The following IGSF10 variants were observed in gnomAD, a reference collection of about 807,000 sequenced individuals.
IGSF10 encodes immunoglobulin superfamily member 10.
IGSF10 carries 126 observed loss-of-function variants against 128.2 expected under a neutral mutation model. That is an observed-to-expected ratio of 0.98 (90% CI 0.85 to 1.14). The LOEUF is 1.14. Among genes scored for constraint, IGSF10 ranks in the 50% most tolerant of loss-of-function variants. The pLI is 0.00. For synonymous variants in IGSF10, 1,185 were observed against 1,146.2 expected, an observed-to-expected ratio of 1.03 and a Z score of -0.68; for missense variants, 3,295 against 3,149.8, an observed-to-expected ratio of 1.05 and a Z score of -1.10.
Position 151,443,325 on chromosome 3 carries a change from A to C in IGSF10, c.5622T>G (p.Val1874=). The stretch of plus-strand genomic sequence containing the variant: ...CAGTGCCATCAGAGAGGACCCAGTA[A>C]ACGCTGGGCTGAGGAGTTCCTTTTG... ...CTAKGTPQPS[V]YWVLSDGTEV... Residue 1874 remains valine (V), a synonymous_variant, in exon 7 of 8, where the codon GTT becomes GTG. Transcript: ENST00000282466. 6.2e-7 allele frequency: 1 copy of C among 1,614,214 alleles called. No homozygotes were observed. Among genetic ancestry groups the C allele is most frequent in the Non-Finnish European group, 8.5e-7 (1 of 1,180,018 alleles).
intron 4 of IGSF10, among the ~76,000 whole-genome samples, chr3:151,456,379 G>T (rs991531974): frequency 8.5e-5 from 13 of 152,150 alleles, no homozygotes; most frequent in African/African-American, 3.1e-4. Context: ...ATCATACATG[G>T]CTGTGCTTTT....
chr3:151,618,768 TTAAAAAA>T, the IGSF10 span, among the ~76,000 whole-genome samples: 2 of 147,886 alleles, frequency 1.4e-5, no homozygotes, highest in African/African-American at 4.9e-5. Context: ...AAATAAAAAA[TTAAAAAA>T]TTAAAAATAA....
At chr3:151,526,708 C>A in the IGSF10 span, among the ~76,000 whole-genome samples, 1 of 151,358 alleles carries the variant, frequency 6.6e-6, no homozygotes, top group Non-Finnish European at 1.5e-5. Context: ...TTTTCTTTTT[C>A]TGATGCATTT....
the IGSF10 span, among the ~76,000 whole-genome samples, chr3:151,516,497 A>C: frequency 1.3e-5 from 2 of 152,068 alleles, no homozygotes; most frequent in African/African-American, 2.4e-5. Context: ...TGACAGATGG[A>C]AGATGAAGGC....
the IGSF10 span, among the ~76,000 whole-genome samples, chr3:151,544,081 G>T: frequency 1.3e-5 from 2 of 152,026 alleles, no homozygotes; most frequent in Non-Finnish European, 1.5e-5. Context: ...GGCTAATTTT[G>T]TATTTTTAGT....
chr3:151,462,927 AGTT>A, upstream of IGSF10, among the ~76,000 whole-genome samples: 1 of 152,320 alleles, frequency 6.6e-6, no homozygotes, highest in African/African-American at 2.4e-5. Context: ...TGGCAGCCAC[AGTT>A]TATCTTTCTC....
chr3:151,523,975 C>T, the IGSF10 span, among the ~76,000 whole-genome samples: 2 of 151,914 alleles, frequency 1.3e-5, no homozygotes, highest in Non-Finnish European at 2.9e-5. Flanking sequence ...AAAACAAAAC[C>T]CCATTAAAAC....
rs1720862854 is a variant in IGSF10 at position 151,441,798 on chromosome 3, AT to A, written c.5963+1185del. 2.6e-5 allele frequency among the ~76,000 whole-genome samples: 4 copies of A among 152,242 alleles called. No homozygotes were observed. The South Asian group carries it at 8.3e-4, about 32-fold the overall frequency. On this transcript the variant is annotated intron_variant, in intron 7 of 7. Coordinates refer to ENST00000282466, the MANE Select transcript of IGSF10 (RefSeq NM_178822.5). ...ATATTGAGGCCAGGCACGGTGGCTC[AT>A]GCCTGTAATCCCAGCACTTTGGGAG...
the IGSF10 span, among the ~76,000 whole-genome samples, chr3:151,619,429 AATGTGT>A: frequency 9.8e-6 from 1 of 102,052 alleles, no homozygotes; most frequent in East Asian, 2.9e-4. Flanking sequence ...AATTACTTTT[AATGTGT>A]GTGTGTGTGT....
the IGSF10 span, among the ~76,000 whole-genome samples, chr3:151,506,505 A>G: frequency 6.6e-6 from 1 of 152,194 alleles, no homozygotes; most frequent in African/African-American, 2.4e-5. Flanking sequence ...ATTTCTGCCT[A>G]TGTATAATAA....
At chr3:151,543,139 C>T in the IGSF10 span, among the ~76,000 whole-genome samples, 1 of 152,096 alleles carries the variant, frequency 6.6e-6, no homozygotes, top group Non-Finnish European at 1.5e-5. Flanking sequence ...AGAATTCTCT[C>T]CGTAGTCAAG....
At chr3:151,542,993 AT>A in the IGSF10 span, among the ~76,000 whole-genome samples, 2,513 of 152,308 alleles carry the variant, frequency 0.016, 27 homozygotes, top group Admixed American at 0.04. Context: ...GACATCGTCT[AT>A]TGATATTTTT....
In IGSF10 at chr3:151,443,477, T is replaced by C; in HGVS notation, c.5470A>G (p.Asn1824Asp). 6.2e-7 allele frequency: 1 copy of C among 1,614,246 alleles called. No individual in the cohort carries two copies. The highest frequency in any genetic ancestry group is 8.5e-7 in the Non-Finnish European group (1 of 1,180,036). The stretch of plus-strand genomic sequence containing the variant: ...AGCAGTGAATCCTGGCCACCTGGGT[T>C]GCTGGCCACACATTTGTAAAAGCCA... Reference protein sequence around the residue: ...DRGFYKCVASNPGGQDSLLVK... With the variant: ...DRGFYKCVASDPGGQDSLLVK... Residue 1824 changes from asparagine (N) to aspartate (D), a missense_variant, in exon 7 of 8, where the codon AAC (asparagine) becomes GAC (aspartate). Transcript: ENST00000282466.
chr3:151,437,925 T>TA lies in IGSF10; in HGVS notation c.6635dup (p.Cys2213MetfsTer10), dbSNP rs1560170308. 5.6e-6 allele frequency: 9 copies of TA among 1,614,220 alleles called. No individual in the cohort carries two copies. Among genetic ancestry groups the TA allele is most frequent in the Non-Finnish European group, 7.6e-6 (9 of 1,180,030 alleles). ...CCCCACTGGGATTTCGGGCTACACA[T>TA]ACGTACTCTCCAGAATCGAGCAGTT... On this transcript the variant is annotated frameshift_variant, in exon 8 of 8. Transcript: ENST00000282466. LOFTEE classifies it low-confidence loss of function (END_TRUNC).
Position 151,445,019 on chromosome 3 carries a change from T to G in IGSF10, c.4962A>C (p.Lys1654Asn). 6.2e-7 allele frequency: 1 copy of G among 1,614,188 alleles called. No homozygotes were observed. Among genetic ancestry groups the G allele is most frequent in the South Asian group, 1.1e-5 (1 of 91,084 alleles). ...IFEKPRIVGG[K>N]AASFTIPANS... is the part of the protein sequence containing the mutation. The stretch of plus-strand genomic sequence containing the variant: ...TAGCTGGAATAGTAAAACTTGCAGC[T>G]TTTCCTCCAACTATCCTGGGCTTTT... The change falls in exon 6 of 8, where the codon AAA becomes AAC. Residue 1654 changes from lysine to asparagine, a missense_variant. By Grantham distance (94) the Lys-to-Asn change is moderately conservative (BLOSUM62 0). Transcript: ENST00000282466.
At chr3:151,514,118 A>C in the IGSF10 span, among the ~76,000 whole-genome samples, 130,223 of 151,810 alleles carry the variant, frequency 0.86, 56,080 homozygotes, top group Middle Eastern at 0.95. Context: ...TTGGAAAAAA[A>C]TACTTTAAAG....
the IGSF10 span, among the ~76,000 whole-genome samples, chr3:151,506,180 C>T: frequency 6.6e-6 from 1 of 152,150 alleles, no homozygotes; most frequent in Non-Finnish European, 1.5e-5. Context: ...GTCTCGATCT[C>T]CTGACCTCAT....
chr3:151,610,039 G>A, the IGSF10 span, among the ~76,000 whole-genome samples: 1 of 152,106 alleles, frequency 6.6e-6, no homozygotes, highest in Non-Finnish European at 1.5e-5. Context: ...GAACACTCTG[G>A]CTGCTATAAG....
At chr3:151,534,827 G>GTGTGTGTGTA in the IGSF10 span, among the ~76,000 whole-genome samples, 10 of 151,782 alleles carry the variant, frequency 6.6e-5, no homozygotes, top group Non-Finnish European at 1.2e-4. Context: ...GTGTGTGTGT[G>GTGTGTGTGTA]TGTATGAAGG....
Sources: gnomAD v4.1 joint callset for allele counts (sites outside exome capture counted in the v4.1 genomes callset) on GRCh38, gnomAD v4.1.1 for gene constraint, MANE v1.5 for transcripts, NCBI Gene and HGNC (gene_info 2026-07-23, HGNC 2026-07-21) for gene names.